The following PCDH11X variants were observed in gnomAD, a reference collection of about 807,000 sequenced individuals.
PCDH11X encodes protocadherin-11 X-linked.
In PCDH11X, 18 loss-of-function variants were observed where a neutral mutation model predicts 53.3. That is an observed-to-expected ratio of 0.34 (90% confidence interval 0.23 to 0.50). PCDH11X has a LOEUF of 0.50. PCDH11X is among the 20% of genes least tolerant of loss of function. PCDH11X has a pLI of 0.98. For synonymous variants in PCDH11X, 279 were observed against 393.3 expected (o/e 0.71, Z 3.44); for missense variants, 570 against 1,032.4 (o/e 0.55, Z 6.14).
In PCDH11X at chrX:92,148,001, C is replaced by CTT. The variant is rs1186090208; in HGVS notation, c.3034-53372_3034-53371dup. On this transcript the variant is annotated intron_variant, in intron 6 of 10. Transcript: ENST00000682573. ...CCTTCCTTCCTTTCTTTCTTTCTTTCTTTCTTTTTCTTTCCTTCCTTCCTT... is the reference window on the plus strand; with the variant it reads ...CCTTCCTTCCTTTCTTTCTTTCTTTCTTTTTCTTTTTCTTTCCTTCCTTCCTT... Among the ~76,000 whole-genome samples the CTT allele has an allele frequency of 2.1e-3, 151 of 70,328 alleles. 6 individuals carry two copies. Among genetic ancestry groups the CTT allele is most frequent in the African/African-American group, 0.012 (143 of 11,926 alleles). 61.1% of individuals were successfully genotyped at this position (70,328 alleles called of 115,157 possible). A position where few individuals can be genotyped will look rare whatever the true frequency, so the allele number is the denominator to read the frequency against.
chrX:92,508,703 A>G (rs1174772718), intron 10 of PCDH11X, among the ~76,000 whole-genome samples: 2 of 109,354 alleles, frequency 1.8e-5, no homozygotes, highest in African/African-American at 6.6e-5. Flanking sequence ...TACACCCACA[A>G]TTTTAAGGTA....
chrX:91,927,337 G>A (rs1941980216), intron 6 of PCDH11X, among the ~76,000 whole-genome samples: 1 of 109,305 alleles, frequency 9.1e-6, no homozygotes, highest in Admixed American at 1.0e-4. Context: ...CTTTACATGG[G>A]TTAACTCATT....
At chrX:92,087,422 A>G (rs1439130089) in intron 6 of PCDH11X, among the ~76,000 whole-genome samples, 1 of 109,951 alleles carries the variant, frequency 9.1e-6, no homozygotes, top group Non-Finnish European at 1.9e-5. Flanking sequence ...GTTTGGCATG[A>G]GGCCCAGTCA....
chrX:92,352,362 T>A (rs778033724), intron 8 of PCDH11X, among the ~76,000 whole-genome samples: 6 of 112,084 alleles, frequency 5.4e-5, no homozygotes, highest in Admixed American at 1.9e-4. Flanking sequence ...ATGCTATCTA[T>A]TTCACTGAAG....
intron 10 of PCDH11X, among the ~76,000 whole-genome samples, chrX:92,551,966 A>T (rs2074963707): frequency 1.2e-5 from 1 of 80,230 alleles, no homozygotes; most frequent in African/African-American, 4.3e-5. Flanking sequence ...TATAATTTGA[A>T]GTCAGGTAAG....
chrX:92,505,167 G>GTT (rs61267828), intron 10 of PCDH11X, among the ~76,000 whole-genome samples: 1 of 56,779 alleles, frequency 1.8e-5, no homozygotes, highest in African/African-American at 8.0e-5. Flanking sequence ...TTTTTTTTTT[G>GTT]TTTTTTTTTG....
chrX:92,198,284 G>C (rs183143691), intron 6 of PCDH11X, among the ~76,000 whole-genome samples: 2 of 105,040 alleles, frequency 1.9e-5, no homozygotes, highest in Non-Finnish European at 3.9e-5. Context: ...GGTGACATGT[G>C]CCTGTAGTCT....
At chrX:92,504,616 A>G (rs945036762) in intron 10 of PCDH11X, among the ~76,000 whole-genome samples, 3 of 111,225 alleles carry the variant, frequency 2.7e-5, no homozygotes, top group Admixed American at 1.9e-4. Flanking sequence ...ATATGTTTGC[A>G]TATGTTTTTC....
chrX:92,586,996 T>C (rs1924457828), intron 10 of PCDH11X, among the ~76,000 whole-genome samples: 1 of 105,124 alleles, frequency 9.5e-6, no homozygotes, highest in Non-Finnish European at 2.0e-5. Context: ...TTTTTTTTTT[T>C]TGCCTGAAAT....
chrX:91,938,061 A>G (rs777979641), intron 6 of PCDH11X, among the ~76,000 whole-genome samples: 1 of 110,567 alleles, frequency 9.0e-6, no homozygotes, highest in East Asian at 2.9e-4. Flanking sequence ...TTTCCAAAAG[A>G]AAGGTAATAG....
intron 8 of PCDH11X, among the ~76,000 whole-genome samples, chrX:92,340,639 G>T (rs1298939334): frequency 8.9e-6 from 1 of 112,001 alleles, no homozygotes; most frequent in African/African-American, 3.2e-5. Flanking sequence ...AAGCAACTGG[G>T]ATGTGAGGAG....
chrX:92,371,087 A>G (rs2070611833), intron 8 of PCDH11X, among the ~76,000 whole-genome samples: 2 of 111,196 alleles, frequency 1.8e-5, no homozygotes. Context: ...CCTTCAACCT[A>G]TTTGTGTTCT....
At chrX:92,584,224 G>A (rs969066520) in intron 10 of PCDH11X, among the ~76,000 whole-genome samples, 3 of 109,434 alleles carry the variant, frequency 2.7e-5, no homozygotes, top group Non-Finnish European at 5.7e-5. Flanking sequence ...TTAAGAAGCT[G>A]GAAAAATAAG....
rs765171025 is a variant in PCDH11X at position 92,116,769 on chromosome X, G to A, written c.3034-84606G>A. Among the ~76,000 whole-genome samples, 8 of 109,809 alleles carry A rather than the reference G, an allele frequency of 7.3e-5. No homozygotes were observed. The South Asian group carries it at 2.4e-3, about 32-fold the overall frequency. On this transcript the variant is annotated intron_variant, in intron 6 of 10. Transcript: ENST00000682573. ...CTTAGCAAATGTTTTGTATTTTTTTGTAGAAACAGGGTCTCACTATGTTGC... is the reference window on the plus strand; with the variant it reads ...CTTAGCAAATGTTTTGTATTTTTTTATAGAAACAGGGTCTCACTATGTTGC...
At chrX:92,018,290 T>C (rs752920328) in intron 6 of PCDH11X, among the ~76,000 whole-genome samples, 10 of 111,796 alleles carry the variant, frequency 8.9e-5, no homozygotes, top group Admixed American at 2.9e-4. Flanking sequence ...TAAAAAATAA[T>C]GATAATTTAA....
intron 6 of PCDH11X, among the ~76,000 whole-genome samples, chrX:91,893,592 T>C (rs1273101951): frequency 9.1e-6 from 1 of 110,491 alleles, no homozygotes; most frequent in Non-Finnish European, 1.9e-5. Context: ...GACTATGGTT[T>C]GGATGTGTTT....
chrX:92,267,837 A>C lies in PCDH11X; in HGVS notation c.3144+4694A>C, dbSNP rs778117560. ...CATCTGCTGAGGACCTTCTTGTTGC[A>C]TCATAACATGGTGGAAGGCATCACA... On this transcript the variant is annotated intron_variant, in intron 8 of 10. Transcript: ENST00000682573. Among the ~76,000 whole-genome samples, 7 of 112,238 alleles carry C rather than the reference A, an allele frequency of 6.2e-5. No individual in the cohort carries two copies. The South Asian group carries it at 2.6e-3, about 41-fold the overall frequency.
chrX:91,882,998 T>A, intron 6 of PCDH11X: 1 of 1,152,366 alleles, frequency 8.7e-7, no homozygotes, highest in East Asian at 3.2e-5. Context: ...AAAATTTCAA[T>A]GATTGTGATT....
At chrX:92,386,712 G>A (rs1223801972) in intron 8 of PCDH11X, among the ~76,000 whole-genome samples, 1 of 104,533 alleles carries the variant, frequency 9.6e-6, no homozygotes, top group East Asian at 3.0e-4. Context: ...GGCCTCTCTC[G>A]GCATTGTAGT....
Sources: allele counts gnomAD v4.1 joint callset (sites outside exome capture counted in the v4.1 genomes callset), GRCh38; gene constraint gnomAD v4.1.1; transcripts MANE v1.5; gene names NCBI Gene and HGNC (gene_info 2026-07-23, HGNC 2026-07-21).